TWSG1: variants seen among roughly 807,000 people sequenced by gnomAD.
TWSG1 encodes twisted gastrulation protein homolog 1.
Under a neutral mutation model 23.0 loss-of-function variants are expected in TWSG1, and 15 were observed. That is an observed-to-expected ratio of 0.65 (90% CI 0.44 to 1.00). The LOEUF is 1.00. Ranked by LOEUF, TWSG1 falls within the 50% of genes least tolerant of loss-of-function variation. The pLI is 0.00. For missense variants in TWSG1, 242 were observed against 278.7 expected, an observed-to-expected ratio of 0.87 and a Z score of 0.94; for synonymous variants, 86 against 92.8, an observed-to-expected ratio of 0.93 and a Z score of 0.42.
At chr18:9,348,449 C>A (rs2040487258) in intron 2 of TWSG1, among the ~76,000 whole-genome samples, 1 of 152,170 alleles carries the variant, frequency 6.6e-6, no homozygotes, top group Non-Finnish European at 1.5e-5. Context: ...TTCAGGAGAT[C>A]CCCAAGGTTA....
chr18:9,401,812 TA>T lies in TWSG1; in HGVS notation c.*2286del, dbSNP rs1358456668. The T allele has an allele frequency of 2.6e-5, 4 of 152,168 alleles. No homozygotes were observed. Among genetic ancestry groups the T allele is most frequent in the Non-Finnish European group, 4.4e-5 (3 of 68,014 alleles). 9.4% of individuals were successfully genotyped at this position (152,168 alleles called of 1,614,324 possible). ...ACCATTCTAAGCACATTCACTTCTATATTGAAGTTTTGGTAAAAATTCTTTT... is the reference window on the plus strand; with the variant it reads ...ACCATTCTAAGCACATTCACTTCTATTTGAAGTTTTGGTAAAAATTCTTTT... On this transcript the variant is annotated 3_prime_UTR_variant, in exon 5 of 5. Coordinates refer to ENST00000262120, the MANE Select transcript of TWSG1 (RefSeq NM_020648.6).
At chr18:9,371,359 T>G (rs1442161901) in intron 3 of TWSG1, among the ~76,000 whole-genome samples, 1 of 150,986 alleles carries the variant, frequency 6.6e-6, no homozygotes, top group Non-Finnish European at 1.5e-5. Flanking sequence ...TGCAATGGTG[T>G]GATCTTGGCT....
At chr18:9,396,648 G>C in intron 4 of TWSG1, 102 bp downstream of exon 4, 1 of 1,423,204 alleles carries the variant, frequency 7.0e-7, no homozygotes, top group Non-Finnish European at 9.4e-7. Context: ...CAGCCTTTTG[G>C]TTTTGAATTT....
Position 9,345,521 on chromosome 18 carries a change from T to A in TWSG1, c.123+8169T>A, listed in dbSNP as rs148434281. On this transcript the variant is annotated intron_variant, in intron 2 of 4. Transcript: ENST00000262120. ...TATCCACTTGTCCCAGCAACATTTC[T>A]CCCCCACTGAGTTATATTGCCACCC... Among the ~76,000 whole-genome samples, 82 of 152,254 alleles carry A rather than the reference T, an allele frequency of 5.4e-4. 1 individual carries two copies. In the East Asian group the frequency reaches 0.011, roughly 21 times the overall value.
At chr18:9,369,593 A>G (rs909075027) in intron 3 of TWSG1, among the ~76,000 whole-genome samples, 1 of 151,872 alleles carries the variant, frequency 6.6e-6, no homozygotes, top group Non-Finnish European at 1.5e-5. Flanking sequence ...ATATTGGATT[A>G]TTTGTTTTCT....
intron 3 of TWSG1, among the ~76,000 whole-genome samples, chr18:9,395,168 T>A (rs2040729144): frequency 6.6e-6 from 1 of 152,264 alleles, no homozygotes; most frequent in Non-Finnish European, 1.5e-5. Context: ...TCAGCCTTGA[T>A]GTGCCTGATG....
intron 3 of TWSG1, among the ~76,000 whole-genome samples, chr18:9,366,306 C>T (rs566643825): frequency 6.6e-6 from 1 of 152,168 alleles, no homozygotes; most frequent in Non-Finnish European, 1.5e-5. Context: ...CTAGATGTCG[C>T]TGTGGTGAAT....
At chr18:9,369,089 A>G (rs1035167228) in intron 3 of TWSG1, among the ~76,000 whole-genome samples, 5 of 151,848 alleles carry the variant, frequency 3.3e-5, no homozygotes, top group Admixed American at 3.3e-4. Context: ...AGCCTGGGCA[A>G]CAGAGTAGAC....
chr18:9,352,176 A>G (rs1221613029), intron 2 of TWSG1, among the ~76,000 whole-genome samples: 1 of 152,140 alleles, frequency 6.6e-6, no homozygotes, highest in East Asian at 1.9e-4. Flanking sequence ...AAGGAATCAT[A>G]CAGTATATAG....
At chr18:9,367,757 C>A (rs2040586718) in intron 3 of TWSG1, among the ~76,000 whole-genome samples, 1 of 152,166 alleles carries the variant, frequency 6.6e-6, no homozygotes, top group South Asian at 2.1e-4. Context: ...ACAGTTTCAT[C>A]CCAAAACCAG....
intron 3 of TWSG1, among the ~76,000 whole-genome samples, chr18:9,389,969 A>G (rs1182639708): frequency 6.6e-6 from 1 of 152,224 alleles, no homozygotes; most frequent in African/African-American, 2.4e-5. Flanking sequence ...TAAGTGTGCA[A>G]TTTTATTATG....
chr18:9,347,539 T>C (rs1333167037), intron 2 of TWSG1, among the ~76,000 whole-genome samples: 1 of 152,212 alleles, frequency 6.6e-6, no homozygotes, highest in Non-Finnish European at 1.5e-5. Context: ...TAGTTTTCTG[T>C]GTATTACATT....
intron 2 of TWSG1, among the ~76,000 whole-genome samples, chr18:9,345,882 C>A (rs1426079508): frequency 6.6e-6 from 1 of 152,096 alleles, no homozygotes; most frequent in Non-Finnish European, 1.5e-5. Flanking sequence ...ATAAAGGGTT[C>A]CCATATACCC....
At chr18:9,392,217 AGGTT>A in intron 3 of TWSG1, among the ~76,000 whole-genome samples, 1 of 152,364 alleles carries the variant, frequency 6.6e-6, no homozygotes, top group Middle Eastern at 3.4e-3. Context: ...TTACAATAGA[AGGTT>A]GTTTCATCTA....
chr18:9,377,017 G>A (rs961990122), intron 3 of TWSG1, among the ~76,000 whole-genome samples: 1 of 151,854 alleles, frequency 6.6e-6, no homozygotes, highest in Non-Finnish European at 1.5e-5. Flanking sequence ...AAGTATTCAC[G>A]AGGCTGTGTG....
rs72636717 is a variant in TWSG1 at position 9,383,160 on chromosome 18, T to C, written c.224-13120T>C. On this transcript the variant is annotated intron_variant, in intron 3 of 4. Coordinates refer to ENST00000262120, the MANE Select transcript of TWSG1 (RefSeq NM_020648.6). ...TAATGGAAACTCATTGGAGAGTGTA[T>C]GGTGGTGATATCCGAATTACACGTT... Among the ~76,000 whole-genome samples the C allele has an allele frequency of 6.8e-4, 103 of 150,556 alleles. 2 individuals are homozygous for C. The East Asian group carries it at 0.018, about 26-fold the overall frequency.
chr18:9,349,152 A>C (rs1200045626), intron 2 of TWSG1, among the ~76,000 whole-genome samples: 1 of 152,182 alleles, frequency 6.6e-6, no homozygotes, highest in Non-Finnish European at 1.5e-5. Context: ...AGGAAAAAAA[A>C]AATTTGGTAA....
intron 3 of TWSG1, among the ~76,000 whole-genome samples, chr18:9,378,969 G>A (rs764859767): frequency 1.4e-4 from 22 of 152,128 alleles, no homozygotes; most frequent in Non-Finnish European, 2.8e-4. Context: ...ACCACAATGA[G>A]ATACTATCTC....
chr18:9,356,002 A>C (rs897210613), intron 2 of TWSG1, among the ~76,000 whole-genome samples: 1 of 152,210 alleles, frequency 6.6e-6, no homozygotes, highest in Non-Finnish European at 1.5e-5. Context: ...AGTAATGTAG[A>C]AAGAAAGAAA....
Sources: gnomAD v4.1 joint callset for allele counts (sites outside exome capture counted in the v4.1 genomes callset) on GRCh38, gnomAD v4.1.1 for gene constraint, MANE v1.5 for transcripts, NCBI Gene and HGNC (gene_info 2026-07-23, HGNC 2026-07-21) for gene names.